The following OTUD7A variants were observed in gnomAD, a reference collection of about 807,000 sequenced individuals.
OTUD7A encodes the protein OTU deubiquitinase 7A, also known as OTU domain-containing protein 7A.
Under a neutral mutation model 65.7 loss-of-function variants are expected in OTUD7A, and 12 were observed. The observed-to-expected ratio is 0.18, with a 90% confidence interval of 0.12 to 0.30. The LOEUF is 0.30. OTUD7A is among the 10% of genes least tolerant of loss of function. The probability of loss-of-function intolerance (pLI) is 1.00; values close to 1 mark genes in which losing one functional copy is unlikely to be tolerated. For synonymous variants in OTUD7A, 641 were observed against 586.3 expected (o/e 1.09, Z -1.35); for missense variants, 1,148 against 1,304.8 (o/e 0.88, Z 1.85).
intron 1 of OTUD7A, among the ~76,000 whole-genome samples, chr15:31,695,827 T>C (rs1380944582): frequency 1.3e-5 from 2 of 150,084 alleles, no homozygotes; most frequent in Non-Finnish European, 3.0e-5. Flanking sequence ...CCTTAAACTC[T>C]AAATAAGAGT....
intron 10 of OTUD7A, among the ~76,000 whole-genome samples, chr15:31,490,955 C>T (rs940368782): frequency 1.3e-5 from 2 of 152,150 alleles, no homozygotes; most frequent in African/African-American, 4.8e-5. Flanking sequence ...ATGGGGGTGA[C>T]CTTCCTGGGC....
In OTUD7A at chr15:31,500,414, G is replaced by A. The variant is rs191795075; in HGVS notation, c.1171+1276C>T. Among the ~76,000 whole-genome samples, 365 of 152,344 alleles carry A rather than the reference G, an allele frequency of 2.4e-3. 2 individuals are homozygous for A. The highest frequency in any genetic ancestry group is 8.5e-3 in the African/African-American group (354 of 41,580). On this transcript the variant is annotated intron_variant, in intron 10 of 12. Coordinates refer to ENST00000307050, the MANE Select transcript of OTUD7A (RefSeq NM_001382637.1). ...TCTCTTCCTGTGACTTGGGTTCTGC[G>A]GCTGCACCACGCATGTCAGCTCCTG...
intron 1 of OTUD7A, among the ~76,000 whole-genome samples, chr15:31,673,000 C>CT (rs933875930): frequency 4.6e-5 from 7 of 152,112 alleles, no homozygotes; most frequent in African/African-American, 1.7e-4. Context: ...CAGTCATGGG[C>CT]TTAGGATCCC....
intron 5 of OTUD7A, among the ~76,000 whole-genome samples, chr15:31,543,171 T>C (rs1454630796): frequency 6.6e-6 from 1 of 151,680 alleles, no homozygotes; most frequent in Non-Finnish European, 1.5e-5. Context: ...TAAGGATGAA[T>C]AAAACTAAAC....
At chr15:31,748,643 T>C (rs1001836221) in intron 1 of OTUD7A, among the ~76,000 whole-genome samples, 3 of 152,210 alleles carry the variant, frequency 2.0e-5, no homozygotes, top group Middle Eastern at 3.4e-3. Context: ...TTGGGACAAC[T>C]ACCCATTGAA....
Position 31,487,501 on chromosome 15 carries a change from T to C in OTUD7A, c.1237A>G (p.Lys413Glu). 6.2e-7 allele frequency: 1 copy of C among 1,614,054 alleles called. No individual in the cohort carries two copies. Among genetic ancestry groups the C allele is most frequent in the Non-Finnish European group, 8.5e-7 (1 of 1,180,016 alleles). The change falls in exon 11 of 13, where the codon AAG becomes GAG. Residue 413 changes from lysine (K) to glutamate (E), a missense_variant. This residue lies in a region of OTUD7A where 842 missense variants were observed against 769.5 expected (regional missense o/e 1.09). Transcript: ENST00000307050. This position sits in a 1 kb window ranked among gnomAD's most constrained non-coding sequence, Gnocchi z 6.0. ...TCGTCTTTCCCCCACTCCCAGTCCT[T>C]GCCAGGGTCCACTGCAAAGTGCAGA... is the stretch of plus-strand genomic sequence containing the variant. ...LPLHFAVDPG[K>E]DWEWGKDDND... is the part of the protein sequence containing the mutation.
intron 1 of OTUD7A, among the ~76,000 whole-genome samples, chr15:31,815,795 C>A (rs34010218): frequency 2.0e-5 from 3 of 152,216 alleles, no homozygotes; most frequent in Admixed American, 1.3e-4. Context: ...CATAAATGTA[C>A]GCATTCGGTA....
At chr15:31,583,107 G>A (rs1889422447) in intron 3 of OTUD7A, among the ~76,000 whole-genome samples, 1 of 152,238 alleles carries the variant, frequency 6.6e-6, no homozygotes. Flanking sequence ...CCTGGTCCAT[G>A]TTGTGCCTTA....
chr15:31,667,338 G>A (rs1303942907), intron 1 of OTUD7A, among the ~76,000 whole-genome samples: 2 of 152,124 alleles, frequency 1.3e-5, no homozygotes, highest in Admixed American at 6.5e-5. Context: ...TTAGGATTGT[G>A]ATGTTTTCCT....
chr15:31,863,631 G>A (rs868497356), intron 1 of OTUD7A, among the ~76,000 whole-genome samples: 1 of 152,200 alleles, frequency 6.6e-6, no homozygotes, highest in Non-Finnish European at 1.5e-5. Context: ...TCCCTAGGCT[G>A]CACACAGCTC....
intron 1 of OTUD7A, among the ~76,000 whole-genome samples, chr15:31,789,407 G>T (rs188012516): frequency 6.6e-6 from 1 of 152,236 alleles, no homozygotes; most frequent in Non-Finnish European, 1.5e-5. Flanking sequence ...TAATACTAAA[G>T]GTTAATTTTA....
intron 3 of OTUD7A, among the ~76,000 whole-genome samples, chr15:31,610,522 T>A (rs942838451): frequency 6.8e-6 from 1 of 147,970 alleles, no homozygotes; most frequent in African/African-American, 2.5e-5. Context: ...CAACAGCACA[T>A]GGGACTTTCT....
At chr15:31,763,896 G>A (rs1423650191) in intron 1 of OTUD7A, among the ~76,000 whole-genome samples, 1 of 152,116 alleles carries the variant, frequency 6.6e-6, no homozygotes, top group Non-Finnish European at 1.5e-5. Context: ...AGGAATGAAA[G>A]ACAAGAACTG....
At chr15:31,577,898 C>A (rs964833940) in intron 3 of OTUD7A, among the ~76,000 whole-genome samples, 7 of 150,174 alleles carry the variant, frequency 4.7e-5, no homozygotes, top group African/African-American at 7.3e-5. Context: ...AAATTCACAT[C>A]AAAAAATAAG....
intron 5 of OTUD7A, among the ~76,000 whole-genome samples, chr15:31,548,839 C>A (rs963654530): frequency 2.0e-5 from 3 of 152,054 alleles, no homozygotes; most frequent in Non-Finnish European, 4.4e-5. Flanking sequence ...TTGAAGCCAT[C>A]AAGAGTAGAA....
intron 1 of OTUD7A, among the ~76,000 whole-genome samples, chr15:31,796,366 T>C (rs536804846): frequency 6.6e-6 from 1 of 152,328 alleles, no homozygotes. Flanking sequence ...ATACTGCAGC[T>C]GGAGTCTGAA....
intron 3 of OTUD7A, among the ~76,000 whole-genome samples, chr15:31,619,007 C>T (rs568486888): frequency 1.3e-5 from 2 of 152,206 alleles, no homozygotes; most frequent in Non-Finnish European, 2.9e-5. Context: ...AGCCAGTTTT[C>T]CCAGCACCAT....
chr15:31,727,727 T>C (rs1052402790), intron 1 of OTUD7A, among the ~76,000 whole-genome samples: 12 of 152,222 alleles, frequency 7.9e-5, no homozygotes, highest in African/African-American at 2.7e-4. Context: ...TCATTCCCTG[T>C]TGTATTTGCC....
At chr15:31,712,282 C>T (rs1470929329) in intron 1 of OTUD7A, among the ~76,000 whole-genome samples, 1 of 149,766 alleles carries the variant, frequency 6.7e-6, no homozygotes, top group Non-Finnish European at 1.5e-5. Flanking sequence ...CTGCTAACTG[C>T]TCTGGGGTAG....
Sources: gnomAD v4.1 joint callset for allele counts (sites outside exome capture counted in the v4.1 genomes callset) on GRCh38, gnomAD v4.1.1 for gene constraint, gnomAD v4.1.1 regional missense constraint, Gnocchi (gnomAD v3.1) non-coding constraint, MANE v1.5 for transcripts, NCBI Gene and HGNC (gene_info 2026-07-23, HGNC 2026-07-21) for gene names.